The following GRIA2 variants were observed in gnomAD, a reference collection of about 807,000 sequenced individuals.
The protein encoded by GRIA2 is glutamate ionotropic receptor AMPA type subunit 2.
A neutral mutation model predicts 97.3 loss-of-function variants in GRIA2; 14 were observed. The ratio of observed to expected loss-of-function variants is 0.14; its 90% CI spans 0.10 to 0.23. The LOEUF (loss-of-function observed/expected upper bound fraction) is 0.23, where lower values mean the gene tolerates loss of function less well. GRIA2 is among the 10% of genes least tolerant of loss of function. GRIA2 has a pLI of 1.00. For missense variants in GRIA2, 558 were observed against 1,069.8 expected (o/e 0.52, Z 6.67); for synonymous variants, 412 against 387.8 (o/e 1.06, Z -0.73).
At chr4:157,315,572 C>T (rs1052420160) in intron 4 of GRIA2, among the ~76,000 whole-genome samples, 7 of 151,500 alleles carry the variant, frequency 4.6e-5, no homozygotes, top group African/African-American at 1.7e-4. Context: ...GACACAGATT[C>T]TCGCTCTGTC....
intron 2 of GRIA2, among the ~76,000 whole-genome samples, chr4:157,225,335 CT>C: frequency 6.6e-6 from 1 of 152,050 alleles, no homozygotes; most frequent in South Asian, 2.1e-4. Flanking sequence ...CCATCATTCC[CT>C]TTTTCTTTTC....
At position 157,278,909 on chromosome 4, in the gene GRIA2, CACT is replaced by C. The variant is rs1732470665; in HGVS notation, c.230-24640_230-24638del. On this transcript the variant is annotated intron_variant, in intron 2 of 15. Coordinates refer to ENST00000264426, the MANE Select transcript of GRIA2 (RefSeq NM_001083619.3). ...ACATCATATTTCCACAATAAGATACCACTACATGCTTATTAGGATGTCTAATAT... is the reference window on the plus strand; with the variant it reads ...ACATCATATTTCCACAATAAGATACCACATGCTTATTAGGATGTCTAATAT... Among the ~76,000 whole-genome samples, 3 of 151,758 alleles carry C rather than the reference CACT, an allele frequency of 2.0e-5. 1 individual carries two copies. The highest frequency in any genetic ancestry group is 7.3e-5 in the African/African-American group (3 of 41,348).
chr4:157,228,057 A>G (rs1729827619), intron 2 of GRIA2, among the ~76,000 whole-genome samples: 1 of 152,238 alleles, frequency 6.6e-6, no homozygotes, highest in African/African-American at 2.4e-5. Context: ...AACTTATAGA[A>G]TGAAAACATT....
At chr4:157,324,139 AT>A (rs1231935682) in intron 6 of GRIA2, among the ~76,000 whole-genome samples, 2 of 152,144 alleles carry the variant, frequency 1.3e-5, no homozygotes, top group Non-Finnish European at 2.9e-5. Flanking sequence ...TTTCCCAGCC[AT>A]TTCCTAAAAT....
chr4:157,243,339 A>G (rs1239899894), intron 2 of GRIA2, among the ~76,000 whole-genome samples: 1 of 152,124 alleles, frequency 6.6e-6, no homozygotes, highest in Non-Finnish European at 1.5e-5. Flanking sequence ...TAGAGTTTAA[A>G]GGATTTCACC....
At chr4:157,293,854 G>A (rs1356458280) in intron 2 of GRIA2, among the ~76,000 whole-genome samples, 2 of 152,144 alleles carry the variant, frequency 1.3e-5, no homozygotes, top group Non-Finnish European at 2.9e-5. Context: ...ATTTTACCAG[G>A]ACTCAATGCA....
intron 2 of GRIA2, among the ~76,000 whole-genome samples, chr4:157,293,519 A>C (rs1733198642): frequency 1.3e-5 from 2 of 152,134 alleles, no homozygotes; most frequent in African/African-American, 4.8e-5. Flanking sequence ...TACTAGAACT[A>C]TGGGGCTAGA....
chr4:157,300,315 C>A (rs1173237493), intron 2 of GRIA2, among the ~76,000 whole-genome samples: 1 of 152,042 alleles, frequency 6.6e-6, no homozygotes, highest in South Asian at 2.1e-4. Flanking sequence ...TATTTAAATA[C>A]GAACAGTCTT....
chr4:157,296,902 T>C (rs1733373124), intron 2 of GRIA2, among the ~76,000 whole-genome samples: 1 of 152,150 alleles, frequency 6.6e-6, no homozygotes, highest in African/African-American at 2.4e-5. Context: ...ATGGGCAAAC[T>C]AGACAAATAT....
chr4:157,279,730 G>C (rs1732508665), intron 2 of GRIA2, among the ~76,000 whole-genome samples: 1 of 152,044 alleles, frequency 6.6e-6, no homozygotes, highest in Non-Finnish European at 1.5e-5. Flanking sequence ...AATTATCAAT[G>C]TATTTAGGAA....
intron 2 of GRIA2, among the ~76,000 whole-genome samples, chr4:157,297,675 A>T (rs1482785127): frequency 6.6e-6 from 1 of 152,160 alleles, no homozygotes; most frequent in Non-Finnish European, 1.5e-5. Flanking sequence ...AGAGCCGCCC[A>T]AGATTCTTGA....
chr4:157,233,855 A>G (rs1016832588), intron 2 of GRIA2, among the ~76,000 whole-genome samples: 1 of 152,094 alleles, frequency 6.6e-6, no homozygotes, highest in East Asian at 1.9e-4. Flanking sequence ...GCTCGGTAGC[A>G]TAAGTGGAAT....
chr4:157,259,233 TATAA>T (rs909338266), intron 2 of GRIA2, among the ~76,000 whole-genome samples: 6 of 151,862 alleles, frequency 4.0e-5, no homozygotes, highest in Admixed American at 1.3e-4. Context: ...GTCTGAAAAA[TATAA>T]ATAAATAAAG....
In GRIA2 at chr4:157,339,921, C is replaced by T. The variant is rs552033246; in HGVS notation, c.1845-1343C>T. On this transcript the variant is annotated intron_variant, in intron 11 of 15. Coordinates refer to ENST00000264426, the MANE Select transcript of GRIA2 (RefSeq NM_001083619.3). Reference sequence around the variant, plus strand: ...GTGAGAAGTGTTTAACTTTTTCCATCCTTTCATATTTATTTTTTTGTATTT... The same window carrying T: ...GTGAGAAGTGTTTAACTTTTTCCATTCTTTCATATTTATTTTTTTGTATTT... 1.6e-4 allele frequency among the ~76,000 whole-genome samples: 24 copies of T among 151,858 alleles called. 1 individual carries two copies. The South Asian group carries it at 3.5e-3, about 22-fold the overall frequency.
At chr4:157,232,782 G>A (rs1221144206) in intron 2 of GRIA2, among the ~76,000 whole-genome samples, 4 of 152,042 alleles carry the variant, frequency 2.6e-5, no homozygotes, top group Non-Finnish European at 4.4e-5. Flanking sequence ...AAATTGATTC[G>A]TTGTAGTTTG....
intron 2 of GRIA2, among the ~76,000 whole-genome samples, chr4:157,259,639 C>T (rs187943163): frequency 6.6e-6 from 1 of 152,170 alleles, no homozygotes; most frequent in Non-Finnish European, 1.5e-5. Context: ...GTTCTCTTTA[C>T]TTTCGTTCTA....
intron 11 of GRIA2, among the ~76,000 whole-genome samples, chr4:157,339,309 C>A (rs1315384795): frequency 1.3e-5 from 2 of 151,780 alleles, no homozygotes; most frequent in African/African-American, 4.8e-5. Flanking sequence ...TTTCTTTATT[C>A]CTTTAGTGCT....
chr4:157,290,585 G>C (rs1733052049), intron 2 of GRIA2, among the ~76,000 whole-genome samples: 1 of 151,070 alleles, frequency 6.6e-6, no homozygotes, highest in Admixed American at 6.6e-5. Context: ...TATAGATCCA[G>C]CAGGCATATT....
At position 157,220,964 on chromosome 4, in the gene GRIA2, G is replaced by C. The variant is rs1729464427; in HGVS notation, c.-79G>C. 7.7e-6 allele frequency: 6 copies of C among 782,282 alleles called. No individual in the cohort carries two copies. Among genetic ancestry groups the C allele is most frequent in the Non-Finnish European group, 1.2e-5 (5 of 434,378 alleles). 48.5% of individuals were successfully genotyped at this position (782,282 alleles called of 1,614,324 possible). ...CAAAATGCAGAGGATCTAATTTGCA[G>C]AGGAAAACAGCCAAAGAAGGAAGAG... On this transcript the variant is annotated 5_prime_UTR_variant, in exon 1 of 16. Transcript: ENST00000264426.
Sources: gnomAD v4.1 joint callset for allele counts (sites outside exome capture counted in the v4.1 genomes callset) on GRCh38, gnomAD v4.1.1 for gene constraint, MANE v1.5 for transcripts, NCBI Gene and HGNC (gene_info 2026-07-23, HGNC 2026-07-21) for gene names.